Variants in PDE4D observed in about 807,000 individuals in gnomAD.
The protein encoded by PDE4D is 3',5'-cyclic-AMP phosphodiesterase 4D.
Under a neutral mutation model 87.4 loss-of-function variants are expected in PDE4D, and 24 were observed. The ratio of observed to expected loss-of-function variants is 0.27; its 90% CI spans 0.20 to 0.39. The LOEUF is 0.39. Ranked by LOEUF, PDE4D falls within the 10% of genes least tolerant of loss-of-function variation. PDE4D has a pLI of 1.00. For synonymous variants in PDE4D, 384 were observed against 383.2 expected (o/e 1.00, Z -0.02); for missense variants, 714 against 1,041.0 (o/e 0.69, Z 4.32).
intron 2 of PDE4D, among the ~76,000 whole-genome samples, chr5:60,048,141 A>G (rs1769549116): frequency 6.6e-6 from 1 of 151,204 alleles, no homozygotes; most frequent in Non-Finnish European, 1.5e-5. Flanking sequence ...GTCTCTTTTG[A>G]TCTTTGTTGG....
At chr5:60,367,070 T>C (rs1760612278) in intron 1 of PDE4D, among the ~76,000 whole-genome samples, 1 of 152,176 alleles carries the variant, frequency 6.6e-6, no homozygotes, top group Non-Finnish European at 1.5e-5. Context: ...GGTGGGTGGA[T>C]ACACAGTCTC....
At chr5:60,016,246 G>A (rs780777325) in intron 2 of PDE4D, among the ~76,000 whole-genome samples, 14 of 152,162 alleles carry the variant, frequency 9.2e-5, no homozygotes, top group Non-Finnish European at 1.9e-4. Flanking sequence ...GGTGTGTAAT[G>A]GCATTGTAAC....
At chr5:60,220,196 A>G (rs1460168331) in intron 1 of PDE4D, among the ~76,000 whole-genome samples, 2 of 152,034 alleles carry the variant, frequency 1.3e-5, no homozygotes, top group Non-Finnish European at 2.9e-5. Flanking sequence ...ATCAGGTGCT[A>G]GTTGTTGGTT....
chr5:60,152,809 G>C (rs1165649271), intron 2 of PDE4D, among the ~76,000 whole-genome samples: 5 of 152,080 alleles, frequency 3.3e-5, no homozygotes, highest in Non-Finnish European at 7.4e-5. Flanking sequence ...GAGGTTGTGT[G>C]TTTCTAGGAA....
intron 1 of PDE4D, among the ~76,000 whole-genome samples, chr5:59,786,779 T>G (rs184513349): frequency 1.8e-4 from 28 of 152,190 alleles, no homozygotes; most frequent in Non-Finnish European, 3.2e-4. Context: ...ATTGGTGAGA[T>G]GCTTTTTCAT....
chr5:59,234,159 A>C (rs190024814), intron 1 of PDE4D, among the ~76,000 whole-genome samples: 3 of 152,314 alleles, frequency 2.0e-5, no homozygotes, highest in Non-Finnish European at 4.4e-5. Flanking sequence ...CCAGCCATTA[A>C]AATTTCTCTC....
At chr5:59,427,961 T>C (rs899457599) in intron 1 of PDE4D, among the ~76,000 whole-genome samples, 1 of 152,166 alleles carries the variant, frequency 6.6e-6, no homozygotes, top group Non-Finnish European at 1.5e-5. Flanking sequence ...AGGAAAACAT[T>C]TTTAAATCGC....
chr5:59,736,715 C>G (rs757725306), intron 1 of PDE4D, among the ~76,000 whole-genome samples: 4 of 151,470 alleles, frequency 2.6e-5, no homozygotes, highest in Non-Finnish European at 5.9e-5. Flanking sequence ...AAATGATTGA[C>G]AAAATATAGG....
intron 1 of PDE4D, among the ~76,000 whole-genome samples, chr5:60,235,222 G>A (rs1746288532): frequency 6.6e-6 from 1 of 151,688 alleles, no homozygotes; most frequent in African/African-American, 2.4e-5. Flanking sequence ...AAACCTCTAG[G>A]ACTCTTATAC....
At chr5:59,022,482 C>A (rs2936190) in intron 6 of PDE4D, among the ~76,000 whole-genome samples, 1 of 152,082 alleles carries the variant, frequency 6.6e-6, no homozygotes, top group Non-Finnish European at 1.5e-5. Flanking sequence ...AACCTCTTAA[C>A]AGGCTAATTT....
At chr5:59,530,035 G>A (rs1813913998) in intron 1 of PDE4D, among the ~76,000 whole-genome samples, 1 of 152,170 alleles carries the variant, frequency 6.6e-6, no homozygotes, top group Admixed American at 6.5e-5. Flanking sequence ...CACTAGGTCA[G>A]GGTGGGGTCC....
chr5:59,300,614 C>A (rs1770027340), intron 1 of PDE4D, among the ~76,000 whole-genome samples: 1 of 151,950 alleles, frequency 6.6e-6, no homozygotes, highest in African/African-American at 2.4e-5. Context: ...TGGCATTTTT[C>A]CTCTACTCTC....
At chr5:59,209,539 A>T (rs1749622154) in intron 2 of PDE4D, among the ~76,000 whole-genome samples, 1 of 152,210 alleles carries the variant, frequency 6.6e-6, no homozygotes, top group Non-Finnish European at 1.5e-5. Flanking sequence ...AAATATTTTC[A>T]GACTTTCTCA....
intron 1 of PDE4D, among the ~76,000 whole-genome samples, chr5:60,390,547 T>G (rs1762490878): frequency 6.6e-6 from 1 of 152,082 alleles, no homozygotes. Flanking sequence ...TAAAATTGGT[T>G]ATCAGCACTG....
intron 1 of PDE4D, among the ~76,000 whole-genome samples, chr5:59,653,194 T>A (rs1743792995): frequency 7.4e-6 from 1 of 135,572 alleles, no homozygotes; most frequent in African/African-American, 2.7e-5. Context: ...CAAATAATGT[T>A]AGCAAAAAAA....
chr5:60,519,415 C>T (rs1301497222), intron 1 of PDE4D, among the ~76,000 whole-genome samples: 2 of 152,130 alleles, frequency 1.3e-5, no homozygotes, highest in African/African-American at 2.4e-5. Context: ...CTAAAATGGC[C>T]ATTTGGTTAA....
chr5:59,922,993 T>C (rs557939372), intron 3 of PDE4D, among the ~76,000 whole-genome samples: 1 of 152,074 alleles, frequency 6.6e-6, no homozygotes, highest in East Asian at 1.9e-4. Flanking sequence ...GAAGGGAGAA[T>C]CTCAGGCCTG....
In PDE4D at chr5:59,075,075, A is replaced by AACACACACAC. The variant is rs70973189; in HGVS notation, c.809-36114_809-36105dup. 6.1e-4 allele frequency among the ~76,000 whole-genome samples: 79 copies of AACACACACAC among 129,878 alleles called. 3 individuals are homozygous for AACACACACAC. The highest frequency in any genetic ancestry group is 2.2e-3 in the South Asian group (8 of 3,562). The allele number at this position is 129,878 out of a possible 152,430, so 85.2% of individuals were successfully genotyped here. A position where few individuals can be genotyped will look rare whatever the true frequency, so the allele number is the denominator to read the frequency against. ...TTGAGAAGGAGTAAAAAGCTTACAA[A>AACACACACAC]ACACACACACACACACACACACACA... is the stretch of plus-strand genomic sequence containing the variant. On this transcript the variant is annotated intron_variant, in intron 5 of 14. Coordinates refer to ENST00000340635, the MANE Select transcript of PDE4D (RefSeq NM_001104631.2).
intron 1 of PDE4D, among the ~76,000 whole-genome samples, chr5:60,251,221 C>A (rs1395166989): frequency 6.6e-6 from 1 of 151,710 alleles, no homozygotes; most frequent in East Asian, 1.9e-4. Flanking sequence ...ATTTTCTTAA[C>A]TTTTAAGTTT....
Sources: gnomAD v4.1 joint callset for allele counts (sites outside exome capture counted in the v4.1 genomes callset) on GRCh38, gnomAD v4.1.1 for gene constraint, MANE v1.5 for transcripts, NCBI Gene and HGNC (gene_info 2026-07-23, HGNC 2026-07-21) for gene names.